Variants in SLC4A4 observed in about 807,000 individuals in gnomAD.
The protein encoded by SLC4A4 is electrogenic sodium bicarbonate cotransporter 1.
In SLC4A4, 27 loss-of-function variants were observed where a neutral mutation model predicts 111.5. The observed-to-expected ratio is 0.24, with a 90% CI of 0.18 to 0.33. The LOEUF (loss-of-function observed/expected upper bound fraction) is 0.33. Ranked by LOEUF, SLC4A4 falls within the 10% of genes least tolerant of loss-of-function variation. The probability of loss-of-function intolerance (pLI) is 1.00; values close to 1 mark genes in which losing one functional copy is unlikely to be tolerated. For missense variants in SLC4A4, 909 were observed against 1,315.5 expected (o/e 0.69, Z 4.78); for synonymous variants, 443 against 463.4 (o/e 0.96, Z 0.57).
At chr4:71,124,417 C>T (rs556979173) in intron 2 of SLC4A4, among the ~76,000 whole-genome samples, 1 of 151,916 alleles carries the variant, frequency 6.6e-6, no homozygotes, top group Non-Finnish European at 1.5e-5. Flanking sequence ...TGATCCACCC[C>T]CCTCGACCTC....
At chr4:71,137,939 A>G (rs916368473) in intron 2 of SLC4A4, among the ~76,000 whole-genome samples, 5 of 152,232 alleles carry the variant, frequency 3.3e-5, no homozygotes, top group African/African-American at 9.6e-5. Context: ...TTTCTAACAC[A>G]CAGAGAAAAT....
intron 2 of SLC4A4, among the ~76,000 whole-genome samples, chr4:71,103,143 T>G (rs1285390616): frequency 6.6e-6 from 1 of 151,396 alleles, no homozygotes; most frequent in African/African-American, 2.4e-5. Flanking sequence ...AAAACAGACT[T>G]TAAACCAACA....
Position 71,209,665 on chromosome 4 carries a change from A to C in SLC4A4, c.-2+22264A>C, listed in dbSNP as rs554881172. Reference sequence around the variant, plus strand: ...TTGGACTCAAATTGCTCAATCTCTGATTTTCAGACCTATTTATTTTTTTCC... The same window carrying C: ...TTGGACTCAAATTGCTCAATCTCTGCTTTTCAGACCTATTTATTTTTTTCC... On this transcript the variant is annotated intron_variant, in intron 1 of 25. Coordinates refer to ENST00000264485, the MANE Select transcript of SLC4A4 (RefSeq NM_001098484.3). Among the ~76,000 whole-genome samples the C allele has an allele frequency of 4.6e-5, 7 of 152,160 alleles. No homozygotes were observed. The South Asian group carries it at 1.5e-3, about 32-fold the overall frequency.
chr4:71,115,736 T>C (rs76283105), intron 2 of SLC4A4, among the ~76,000 whole-genome samples: 1,954 of 152,330 alleles, frequency 0.013, 46 homozygotes, highest in African/African-American at 0.044. Flanking sequence ...TAGAGTGCTG[T>C]CATGTAAGAT....
At chr4:71,241,895 T>C (rs2149044024) in intron 2 of SLC4A4, among the ~76,000 whole-genome samples, 1 of 152,328 alleles carries the variant, frequency 6.6e-6, no homozygotes. Flanking sequence ...TTCCTGCTCC[T>C]TTCTCCTCAT....
chr4:71,307,947 G>A (rs938884499), intron 3 of SLC4A4, among the ~76,000 whole-genome samples: 1 of 151,962 alleles, frequency 6.6e-6, no homozygotes, highest in African/African-American at 2.4e-5. Context: ...CCCAACTATG[G>A]CACTGCCCTA....
At chr4:71,277,515 TTTCC>T (rs777893932) in intron 3 of SLC4A4, among the ~76,000 whole-genome samples, 92 of 151,784 alleles carry the variant, frequency 6.1e-4, no homozygotes, top group Non-Finnish European at 1.0e-3. Context: ...TTCCTTCCCT[TTTCC>T]TTCCTTCCTT....
chr4:71,219,662 C>A (rs925132987), intron 1 of SLC4A4, among the ~76,000 whole-genome samples: 2 of 152,058 alleles, frequency 1.3e-5, no homozygotes, highest in Non-Finnish European at 2.9e-5. Context: ...AAATTGAAAA[C>A]CTTCTGAAAA....
intron 2 of SLC4A4, among the ~76,000 whole-genome samples, chr4:71,240,764 G>A (rs898295139): frequency 1.3e-5 from 2 of 152,152 alleles, no homozygotes; most frequent in Non-Finnish European, 2.9e-5. Context: ...ACTAAATAAA[G>A]CATATGTAGA....
At chr4:71,528,193 A>G (rs945450648) in intron 16 of SLC4A4, among the ~76,000 whole-genome samples, 1 of 152,090 alleles carries the variant, frequency 6.6e-6, no homozygotes, top group Non-Finnish European at 1.5e-5. Context: ...TTCCTTCCGG[A>G]TCCACTGATA....
At chr4:71,250,250 A>G (rs1330137401) in intron 2 of SLC4A4, among the ~76,000 whole-genome samples, 1 of 152,344 alleles carries the variant, frequency 6.6e-6, no homozygotes, top group South Asian at 2.1e-4. Context: ...TAGATAAGCC[A>G]GGGAAGGCAG....
chr4:71,161,297 A>T (rs1744610935), intron 2 of SLC4A4, among the ~76,000 whole-genome samples: 1 of 152,132 alleles, frequency 6.6e-6, no homozygotes, highest in South Asian at 2.1e-4. Context: ...TAGCAATATG[A>T]TTATTTCATT....
intron 2 of SLC4A4, among the ~76,000 whole-genome samples, chr4:71,115,519 T>C (rs979842404): frequency 6.6e-6 from 1 of 152,182 alleles, no homozygotes; most frequent in Non-Finnish European, 1.5e-5. Flanking sequence ...TTGAAATTTG[T>C]TGATGTAGAA....
intron 7 of SLC4A4, among the ~76,000 whole-genome samples, chr4:71,429,144 A>T (rs1723414921): frequency 6.6e-6 from 1 of 152,120 alleles, no homozygotes. Context: ...AATGGTAAGG[A>T]AGCTAGGAGG....
chr4:71,166,890 C>T (rs921497036), intron 2 of SLC4A4, among the ~76,000 whole-genome samples: 19 of 152,120 alleles, frequency 1.2e-4, no homozygotes, highest in Admixed American at 4.6e-4. Context: ...TTGAACTGTA[C>T]AGGCAGATAG....
intron 3 of SLC4A4, among the ~76,000 whole-genome samples, chr4:71,305,183 T>G (rs1028311752): frequency 6.6e-6 from 1 of 152,204 alleles, no homozygotes; most frequent in Non-Finnish European, 1.5e-5. Context: ...AACTAGTAGG[T>G]GGTGAAGTTG....
chr4:71,460,086 C>T (rs1011745630), intron 12 of SLC4A4, among the ~76,000 whole-genome samples: 4 of 151,706 alleles, frequency 2.6e-5, no homozygotes, highest in African/African-American at 9.7e-5. Context: ...TATTACAAAA[C>T]ATATTTTTCT....
intron 6 of SLC4A4, among the ~76,000 whole-genome samples, chr4:71,359,612 A>G (rs1346095437): frequency 2.0e-5 from 3 of 152,296 alleles, no homozygotes; most frequent in South Asian, 2.1e-4. Flanking sequence ...AAACTATGAA[A>G]TGTTCTCTTA....
At chr4:71,457,767 T>A (rs1258941310) in intron 12 of SLC4A4, among the ~76,000 whole-genome samples, 1 of 152,050 alleles carries the variant, frequency 6.6e-6, no homozygotes, top group Non-Finnish European at 1.5e-5. Context: ...ATTGCAGTCA[T>A]TCCTCGATAT....
Sources: gnomAD v4.1 joint callset for allele counts (sites outside exome capture counted in the v4.1 genomes callset) on GRCh38, gnomAD v4.1.1 for gene constraint, MANE v1.5 for transcripts, NCBI Gene and HGNC (gene_info 2026-07-23, HGNC 2026-07-21) for gene names.